The following NPAS3 variants were observed in gnomAD, a reference collection of about 807,000 sequenced individuals.
The protein encoded by NPAS3 is neuronal PAS domain-containing protein 3.
In NPAS3, 14 loss-of-function variants were observed where a neutral mutation model predicts 73.1. The ratio of observed to expected loss-of-function variants is 0.19; its 90% CI spans 0.13 to 0.30. The LOEUF (loss-of-function observed/expected upper bound fraction) is 0.30, where lower values mean the gene tolerates loss of function less well. Among genes scored for constraint, NPAS3 ranks in the 10% least tolerant of loss-of-function variants. The pLI is 1.00. For synonymous variants in NPAS3, 620 were observed against 541.5 expected (o/e 1.14, Z -2.01); for missense variants, 1,096 against 1,250.0 (o/e 0.88, Z 1.86).
intron 2 of NPAS3, among the ~76,000 whole-genome samples, chr14:33,153,836 G>A (rs2044548794): frequency 1.3e-5 from 2 of 152,098 alleles, no homozygotes; most frequent in African/African-American, 4.8e-5. Context: ...CATACTGTTG[G>A]CTTGGGGTCT....
At chr14:33,593,071 G>A (rs1015083235) in intron 5 of NPAS3, among the ~76,000 whole-genome samples, 1 of 152,088 alleles carries the variant, frequency 6.6e-6, no homozygotes, top group African/African-American at 2.4e-5. Context: ...TTGGCACATG[G>A]AGGGGTCATA....
At chr14:33,400,117 T>A (rs2047387956) in intron 4 of NPAS3, among the ~76,000 whole-genome samples, 1 of 152,162 alleles carries the variant, frequency 6.6e-6, no homozygotes, top group African/African-American at 2.4e-5. Flanking sequence ...ATGTTACTTA[T>A]TATTTTCCTT....
At chr14:33,121,793 T>A (rs1398867793) in intron 2 of NPAS3, among the ~76,000 whole-genome samples, 1 of 152,112 alleles carries the variant, frequency 6.6e-6, no homozygotes, top group Non-Finnish European at 1.5e-5. Context: ...AATGTTCAAT[T>A]GGAGAGAAGC....
At chr14:33,217,208 C>T (rs192028729) in intron 3 of NPAS3, among the ~76,000 whole-genome samples, 10 of 152,194 alleles carry the variant, frequency 6.6e-5, no homozygotes, top group Admixed American at 3.3e-4. Context: ...ATAAGGGAAA[C>T]GGCCCCCATG....
chr14:33,382,168 C>G (rs1315152), intron 4 of NPAS3, among the ~76,000 whole-genome samples: 73,181 of 151,698 alleles, frequency 0.48, 19,362 homozygotes, highest in African/African-American at 0.71. Flanking sequence ...AAACAGAGGT[C>G]GGGGAGGGTA....
At chr14:33,684,734 A>T (rs1490461963) in intron 6 of NPAS3, among the ~76,000 whole-genome samples, 1 of 152,218 alleles carries the variant, frequency 6.6e-6, no homozygotes, top group African/African-American at 2.4e-5. Context: ...CCAGGATCAC[A>T]GCCAACATCA....
intron 7 of NPAS3, among the ~76,000 whole-genome samples, chr14:33,749,310 A>G (rs780422970): frequency 1.3e-5 from 2 of 152,154 alleles, no homozygotes; most frequent in Non-Finnish European, 2.9e-5. Context: ...TATCTTCTTT[A>G]ATTATTTGCA....
At chr14:33,133,825 G>T (rs1263429964) in intron 2 of NPAS3, among the ~76,000 whole-genome samples, 1 of 152,160 alleles carries the variant, frequency 6.6e-6, no homozygotes, top group Non-Finnish European at 1.5e-5. Flanking sequence ...GTCCAAGGAA[G>T]GGGAGAAGCC....
At chr14:33,141,656 A>G (rs1458693731) in intron 2 of NPAS3, among the ~76,000 whole-genome samples, 1 of 152,194 alleles carries the variant, frequency 6.6e-6, no homozygotes, top group Non-Finnish European at 1.5e-5. Flanking sequence ...ACATATATGG[A>G]TATACTATAA....
intron 2 of NPAS3, among the ~76,000 whole-genome samples, chr14:33,106,939 T>G (rs188623424): frequency 6.6e-6 from 1 of 152,032 alleles, no homozygotes; most frequent in Non-Finnish European, 1.5e-5. Flanking sequence ...GTGCATGTGT[T>G]GGTTTGTTTG....
intron 4 of NPAS3, among the ~76,000 whole-genome samples, chr14:33,441,823 A>ATG (rs2049263085): frequency 6.6e-6 from 1 of 152,194 alleles, no homozygotes; most frequent in Non-Finnish European, 1.5e-5. Flanking sequence ...GGCAGGTAAG[A>ATG]GCACCAGTGC....
In NPAS3 at chr14:33,407,114, C is replaced by T. The variant is rs138667259; in HGVS notation, c.468+39846C>T. Among the ~76,000 whole-genome samples the T allele has an allele frequency of 5.9e-5, 9 of 152,238 alleles. 1 individual carries two copies. Among genetic ancestry groups the T allele is most frequent in the African/African-American group, 1.7e-4 (7 of 41,546 alleles). On this transcript the variant is annotated intron_variant, in intron 4 of 11. Transcript: ENST00000356141. ...GGTTGCTAATTGAACTCTTTATTTC[C>T]GCTCACTGAAGCTCTTCAGTAGGTA...
At chr14:33,783,779 C>A (rs901069959) in intron 9 of NPAS3, among the ~76,000 whole-genome samples, 2 of 152,118 alleles carry the variant, frequency 1.3e-5, no homozygotes, top group Non-Finnish European at 2.9e-5. Context: ...AACTCAGAGA[C>A]GCACATTTTA....
intron 5 of NPAS3, among the ~76,000 whole-genome samples, chr14:33,597,444 G>C (rs2057277070): frequency 6.6e-6 from 1 of 152,188 alleles, no homozygotes; most frequent in Non-Finnish European, 1.5e-5. Context: ...GGAACATAAA[G>C]AGTAATTTTC....
intron 6 of NPAS3, among the ~76,000 whole-genome samples, chr14:33,711,477 A>T (rs1047736308): frequency 2.6e-5 from 4 of 152,144 alleles, no homozygotes; most frequent in African/African-American, 4.8e-5. Context: ...ACGTAGATAG[A>T]ATGTTGTTTC....
chr14:33,794,018 T>C (rs547762287), exon 10 of NPAS3: 1 of 1,613,466 alleles, frequency 6.2e-7, no homozygotes, highest in South Asian at 1.1e-5. Flanking sequence ...ATGAAAAGAA[T>C]ATCATCTGGG....
At chr14:33,372,223 G>A (rs1179738437) in intron 4 of NPAS3, among the ~76,000 whole-genome samples, 2 of 152,108 alleles carry the variant, frequency 1.3e-5, no homozygotes, top group Non-Finnish European at 2.9e-5. Flanking sequence ...CCCCAGTGAC[G>A]TTTCACTGAA....
At chr14:33,543,335 C>T (rs555893784) in intron 4 of NPAS3, among the ~76,000 whole-genome samples, 3 of 152,306 alleles carry the variant, frequency 2.0e-5, no homozygotes, top group Middle Eastern at 3.4e-3. Context: ...TAAGTAGAAA[C>T]TTAGCAATAG....
At chr14:33,412,487 T>C (rs779003032) in intron 4 of NPAS3, among the ~76,000 whole-genome samples, 32 of 152,196 alleles carry the variant, frequency 2.1e-4, no homozygotes, top group Non-Finnish European at 4.4e-4. Context: ...TTTTCCCTTC[T>C]TCATCTGCAA....
Sources: allele counts gnomAD v4.1 joint callset (sites outside exome capture counted in the v4.1 genomes callset), GRCh38; gene constraint gnomAD v4.1.1; transcripts MANE v1.5; gene names NCBI Gene and HGNC (gene_info 2026-07-23, HGNC 2026-07-21).